Variants in ASB14 observed in about 807,000 individuals in gnomAD.
ASB14 encodes the protein ankyrin repeat and SOCS box containing 14, also known as ankyrin repeat and SOCS box protein 14.
Under a neutral mutation model 55.6 loss-of-function variants are expected in ASB14, and 63 were observed. The ratio of observed to expected loss-of-function variants is 1.13; its 90% CI spans 0.92 to 1.40. The LOEUF (loss-of-function observed/expected upper bound fraction) is 1.40. Ranked by LOEUF, ASB14 falls within the 40% of genes most tolerant of loss-of-function variation. The probability of loss-of-function intolerance (pLI) is 0.00; values close to 1 mark genes in which losing one functional copy is unlikely to be tolerated. For synonymous variants in ASB14, 256 were observed against 259.9 expected, an observed-to-expected ratio of 0.98 and a Z score of 0.15; for missense variants, 724 against 710.4, an observed-to-expected ratio of 1.02 and a Z score of -0.22.
chr3:57,278,556 C>T lies in ASB14; in HGVS notation c.1252G>A (p.Val418Ile), dbSNP rs2061009720. 1 of 1,614,086 alleles carries T rather than the reference C, an allele frequency of 6.2e-7. No homozygotes were observed. Among genetic ancestry groups the T allele is most frequent in the African/African-American group, 1.3e-5 (1 of 74,930 alleles). ...GCTGATGGGAAATGTAAAGGGTTAA[C>T]TCTGCAGAAGTAATTGACATTGGCC... is the stretch of plus-strand genomic sequence containing the variant. ...HGANVNYFCR[V>I]NPLHFPSALQ... Residue 418 changes from valine (V) to isoleucine (I), a missense_variant, in exon 8 of 11, where the codon GTT becomes ATT. Val to Ile is a conservative substitution (Grantham distance 29). Coordinates refer to ENST00000487349, the MANE Select transcript of ASB14 (RefSeq NM_001142733.3).
intron 10 of ASB14, chr3:57,273,086 TA>T (rs1244737262): frequency 6.6e-6 from 1 of 152,646 alleles, no homozygotes; most frequent in African/African-American, 2.4e-5. Flanking sequence ...ACTGGAACTA[TA>T]TTATACTTTT....
At position 57,277,688 on chromosome 3, in the gene ASB14, G is replaced by T. The variant is rs186376734; in HGVS notation, c.1585+79C>A. Reference sequence around the variant, plus strand: ...TCAAGCTTTTAACCAGAAGAGAAGGGTGTTCTAATTCTAAAACAACCAAAT... The same window carrying T: ...TCAAGCTTTTAACCAGAAGAGAAGGTTGTTCTAATTCTAAAACAACCAAAT... On this transcript the variant is annotated intron_variant, in intron 9 of 10. Coordinates refer to ENST00000487349, the MANE Select transcript of ASB14 (RefSeq NM_001142733.3). 1.9e-4 allele frequency: 237 copies of T among 1,264,922 alleles called. 4 individuals are homozygous for T. In the Admixed American group the frequency reaches 5.1e-3, roughly 27 times the overall value. The allele number at this position is 1,264,922 out of a possible 1,614,324, so 78.4% of individuals were successfully genotyped here.
chr3:57,288,060 C>T lies in ASB14; in HGVS notation c.311-1G>A, dbSNP rs749255562. Reference sequence around the variant, plus strand: ...TGCTCCCACAGACTGGGGTCTGAAGCTGAAATAAATTCATCATACCACACA... The same window carrying T: ...TGCTCCCACAGACTGGGGTCTGAAGTTGAAATAAATTCATCATACCACACA... On this transcript the variant is annotated splice_acceptor_variant, in intron 4 of 10. Transcript: ENST00000487349. LOFTEE classifies it high-confidence loss of function. 125 of 1,537,014 alleles carry T rather than the reference C, an allele frequency of 8.1e-5. No individual in the cohort carries two copies. Among genetic ancestry groups the T allele is most frequent in the Middle Eastern group, 1.7e-4 (1 of 6,012 alleles).
At chr3:57,274,829 C>CTT (rs1336757101) in intron 10 of ASB14, among the ~76,000 whole-genome samples, 2 of 152,216 alleles carry the variant, frequency 1.3e-5, no homozygotes, top group Admixed American at 6.5e-5. Context: ...TTTGAAAACA[C>CTT]TTGTAATTCC....
intron 1 of ASB14, 103 bp downstream of exon 1, chr3:57,292,530 G>A (rs1230212723): frequency 6.5e-6 from 1 of 152,698 alleles, no homozygotes; most frequent in Non-Finnish European, 1.5e-5. Flanking sequence ...TACAGCAGTA[G>A]TAAAAACAAA....
rs1036934021 is a variant in ASB14 at position 57,278,791 on chromosome 3, A to G, written c.1017T>C (p.Asp339=). ...TTCTCTGATCCAGCATGAAGTTCAC[A>G]TCAAATCCAGCCTGGATGAGGAGTT... The part of the protein sequence containing the change: ...CLELLIQAGF[D]VNFMLDQRIN... The change falls in exon 8 of 11, where the codon GAT becomes GAC. Residue 339 remains aspartate (D), a synonymous_variant. Coordinates refer to ENST00000487349, the MANE Select transcript of ASB14 (RefSeq NM_001142733.3). The G allele has an allele frequency of 1.2e-6, 2 of 1,613,520 alleles. No homozygotes were observed. The highest frequency in any genetic ancestry group is 8.5e-7 in the Non-Finnish European group (1 of 1,179,732).
chr3:57,277,093 C>T (rs534737307), intron 9 of ASB14, among the ~76,000 whole-genome samples: 323 of 152,124 alleles, frequency 2.1e-3, no homozygotes, highest in African/African-American at 7.4e-3. Context: ...TGGTGAAACC[C>T]CGTCTCTATT....
Position 57,288,052 on chromosome 3 carries a change from G to T in ASB14, c.318C>A (p.Asp106Glu), listed in dbSNP as rs755580629. 24 of 1,537,218 alleles carry T rather than the reference G, an allele frequency of 1.6e-5. No homozygotes were observed. The South Asian group carries it at 2.5e-4, about 16-fold the overall frequency. Residue 106 changes from aspartate (D) to glutamate (E), a missense_variant, in exon 5 of 11, where the codon GAC becomes GAA. Transcript: ENST00000487349. ...KILEITLSAS[D>E]PSLWEQTTHN... ...GAGTGGTTTGCTCCCACAGACTGGG[G>T]TCTGAAGCTGAAATAAATTCATCAT...
intron 6 of ASB14, among the ~76,000 whole-genome samples, chr3:57,280,690 G>A (rs1465142011): frequency 6.6e-6 from 1 of 152,122 alleles, no homozygotes; most frequent in African/African-American, 2.4e-5. Context: ...ATTATAAGTA[G>A]GTTAGTTTTT....
At chr3:57,272,624 G>C (rs1404208224) in intron 10 of ASB14, 4 of 152,160 alleles carry the variant, frequency 2.6e-5, no homozygotes, top group African/African-American at 9.7e-5. Flanking sequence ...TTTTGAGACA[G>C]AGTCTTGCTC....
chr3:57,281,889 G>A (rs1461556242), intron 6 of ASB14, among the ~76,000 whole-genome samples: 1 of 152,182 alleles, frequency 6.6e-6, no homozygotes, highest in Non-Finnish European at 1.5e-5. Context: ...TACTGGCTCT[G>A]TGATGTACCA....
intron 10 of ASB14, among the ~76,000 whole-genome samples, chr3:57,273,898 T>C (rs1378589692): frequency 2.0e-5 from 3 of 152,322 alleles, no homozygotes; most frequent in East Asian, 1.9e-4. Flanking sequence ...TTGGATTTTA[T>C]AGAAATGTAT....
Position 57,278,763 on chromosome 3 carries a change from T to C in ASB14, c.1045A>G (p.Asn349Asp). Residue 349 changes from asparagine to aspartate, a missense_variant, in exon 8 of 11, where the codon AAC becomes GAC. By Grantham distance (23) the Asn-to-Asp change is conservative. Transcript: ENST00000487349. ...TTCCTGTGGTCATCGTAGTGTTTGT[T>C]AATTCTCTGATCCAGCATGAAGTTC... ...DVNFMLDQRINKHYDDHRKSA... is the reference protein window; with the variant it reads ...DVNFMLDQRIDKHYDDHRKSA... 1 of 1,613,616 alleles carries C rather than the reference T, an allele frequency of 6.2e-7. No homozygotes were observed. Among genetic ancestry groups the C allele is most frequent in the Non-Finnish European group, 8.5e-7 (1 of 1,179,752 alleles).
chr3:57,270,950 A>T (rs1394870847), intron 10 of ASB14: 1 of 151,856 alleles, frequency 6.6e-6, no homozygotes, highest in Non-Finnish European at 1.5e-5. Flanking sequence ...TTAAACCTTA[A>T]TTTTTTTTCT....
chr3:57,278,600 C>G lies in ASB14; in HGVS notation c.1208G>C (p.Ser403Thr). Residue 403 changes from serine to threonine, a missense_variant, in exon 8 of 11, where the codon AGT becomes ACT. Transcript: ENST00000487349. ...ATTGGCCCCATGCCTTAGCAGCAGA[C>G]TGATCAGCTCATAGTTGCCCATCCT... The part of the protein sequence containing the change: ...ALRMGNYELI[S>T]LLLRHGANVN... The G allele has an allele frequency of 1.9e-6, 3 of 1,614,242 alleles. No homozygotes were observed. The highest frequency in any genetic ancestry group is 1.1e-5 in the South Asian group (1 of 91,084).
At position 57,268,571 on chromosome 3, in the gene ASB14, A is replaced by T; in HGVS notation, c.*1070T>A. On this transcript the variant is annotated 3_prime_UTR_variant, in exon 11 of 11. Coordinates refer to ENST00000487349, the MANE Select transcript of ASB14 (RefSeq NM_001142733.3). ...TATGACTTTCAGATTTGAATTTCCA[A>T]ATGAAGGGCTGTTTCTGCTTGTTCA... 7.0e-7 allele frequency: 1 copy of T among 1,438,456 alleles called. No homozygotes were observed. The highest frequency in any genetic ancestry group is 9.2e-7 in the Non-Finnish European group (1 of 1,089,260). The allele number at this position is 1,438,456 out of a possible 1,614,324, so 89.1% of individuals were successfully genotyped here.
chr3:57,273,118 A>G (rs1215579226), intron 10 of ASB14: 1 of 152,608 alleles, frequency 6.6e-6, no homozygotes, highest in Non-Finnish European at 1.5e-5. Flanking sequence ...CTGTGGCTTC[A>G]CTCATGAAAT....
At chr3:57,287,111 G>T (rs934783219) in intron 5 of ASB14, among the ~76,000 whole-genome samples, 1 of 152,118 alleles carries the variant, frequency 6.6e-6, no homozygotes, top group Non-Finnish European at 1.5e-5. Context: ...TAATCTTAAA[G>T]TTGCTTAACT....
intron 8 of ASB14, 80 bp downstream of exon 8, chr3:57,278,297 G>T: frequency 9.0e-7 from 1 of 1,115,984 alleles, no homozygotes; most frequent in Non-Finnish European, 1.3e-6. Flanking sequence ...TGGAGAGAGT[G>T]GATGTAATCT....
Sources: gnomAD v4.1 joint callset for allele counts (sites outside exome capture counted in the v4.1 genomes callset) on GRCh38, gnomAD v4.1.1 for gene constraint, MANE v1.5 for transcripts, NCBI Gene and HGNC (gene_info 2026-07-23, HGNC 2026-07-21) for gene names.